The following SLC39A11 variants were observed in gnomAD, a reference collection of about 807,000 sequenced individuals.
The protein encoded by SLC39A11 is zinc transporter ZIP11.
Under a neutral mutation model 36.1 loss-of-function variants are expected in SLC39A11, and 33 were observed. The observed-to-expected ratio is 0.91, with a 90% CI of 0.69 to 1.22. The LOEUF (loss-of-function observed/expected upper bound fraction) is 1.22, where lower values mean the gene tolerates loss of function less well. Among genes scored for constraint, SLC39A11 ranks in the 50% most tolerant of loss-of-function variants. SLC39A11 has a pLI of 0.00. For missense variants in SLC39A11, 432 were observed against 430.3 expected, an observed-to-expected ratio of 1.00 and a Z score of -0.03; for synonymous variants, 166 against 170.3, an observed-to-expected ratio of 0.97 and a Z score of 0.20.
At chr17:73,071,618 C>T (rs992582700) in intron 3 of SLC39A11, among the ~76,000 whole-genome samples, 4 of 152,166 alleles carry the variant, frequency 2.6e-5, no homozygotes, top group South Asian at 2.1e-4. Flanking sequence ...CTCAGAAAAC[C>T]GTGTCATAAA....
At chr17:73,079,096 TTTTG>T (rs1314266694) in intron 3 of SLC39A11, among the ~76,000 whole-genome samples, 2 of 152,014 alleles carry the variant, frequency 1.3e-5, no homozygotes, top group Non-Finnish European at 2.9e-5. Context: ...AATCTATTGA[TTTTG>T]TTTGTTTGTT....
intron 7 of SLC39A11, among the ~76,000 whole-genome samples, chr17:72,670,767 T>C (rs1191310614): frequency 2.0e-5 from 3 of 152,226 alleles, no homozygotes; most frequent in Non-Finnish European, 4.4e-5. Flanking sequence ...CATGGCCTTT[T>C]GGAAAGATGT....
intron 6 of SLC39A11, among the ~76,000 whole-genome samples, chr17:72,753,312 ACTTTGT>A (rs1360142744): frequency 1.3e-5 from 2 of 152,084 alleles, no homozygotes; most frequent in African/African-American, 4.8e-5. Context: ...TACATCTTTG[ACTTTGT>A]GTTTGGGAAC....
chr17:72,982,551 C>T (rs527259361), intron 4 of SLC39A11, among the ~76,000 whole-genome samples: 2 of 152,104 alleles, frequency 1.3e-5, no homozygotes, highest in African/African-American at 4.8e-5. Flanking sequence ...AGTTCTGTTT[C>T]GTCTATTTTG....
At chr17:72,960,353 AGATG>A (rs2086528005) in intron 4 of SLC39A11, among the ~76,000 whole-genome samples, 1 of 152,246 alleles carries the variant, frequency 6.6e-6, no homozygotes, top group Admixed American at 6.5e-5. Flanking sequence ...TATCATAGAT[AGATG>A]GATGGATAGG....
At chr17:72,997,191 A>G (rs759681608) in intron 4 of SLC39A11, among the ~76,000 whole-genome samples, 5 of 152,122 alleles carry the variant, frequency 3.3e-5, no homozygotes, top group Non-Finnish European at 7.3e-5. Context: ...ACGAATGCAT[A>G]CACTTTGTGC....
intron 5 of SLC39A11, among the ~76,000 whole-genome samples, chr17:72,901,150 G>T (rs1010995667): frequency 6.6e-6 from 1 of 152,220 alleles, no homozygotes; most frequent in African/African-American, 2.4e-5. Context: ...TTATGAAAAC[G>T]AATGCCAAAA....
At chr17:72,842,548 T>G (rs1443613136) in intron 6 of SLC39A11, among the ~76,000 whole-genome samples, 2 of 152,320 alleles carry the variant, frequency 1.3e-5, no homozygotes, top group South Asian at 4.1e-4. Context: ...TAGGTGATTT[T>G]TAATGCCATT....
intron 5 of SLC39A11, among the ~76,000 whole-genome samples, chr17:72,870,890 G>C (rs545454359): frequency 3.3e-5 from 5 of 152,282 alleles, no homozygotes; most frequent in East Asian, 3.9e-4. Context: ...GATAGAATAA[G>C]AATTACATAT....
At chr17:73,055,359 T>G (rs924943581) in intron 3 of SLC39A11, among the ~76,000 whole-genome samples, 1 of 152,010 alleles carries the variant, frequency 6.6e-6, no homozygotes, top group Non-Finnish European at 1.5e-5. Context: ...GTCTGCACAA[T>G]TGAGTCTCAC....
At chr17:72,942,174 G>A (rs1331993357) in intron 5 of SLC39A11, among the ~76,000 whole-genome samples, 2 of 151,816 alleles carry the variant, frequency 1.3e-5, no homozygotes, top group Admixed American at 6.6e-5. Flanking sequence ...GGGATTACAC[G>A]TGCATTCTCA....
At chr17:73,029,486 T>C (rs1372251586) in intron 4 of SLC39A11, among the ~76,000 whole-genome samples, 1 of 151,996 alleles carries the variant, frequency 6.6e-6, no homozygotes, top group African/African-American at 2.4e-5. Flanking sequence ...GATCAGAATA[T>C]GGCAGCCTGC....
chr17:72,747,061 A>C (rs566991781), intron 6 of SLC39A11, among the ~76,000 whole-genome samples: 1 of 152,302 alleles, frequency 6.6e-6, no homozygotes, highest in South Asian at 2.1e-4. Flanking sequence ...TTAATAAACA[A>C]AACTAAAAAC....
At chr17:72,791,631 C>T (rs1307505385) in intron 6 of SLC39A11, among the ~76,000 whole-genome samples, 1 of 152,170 alleles carries the variant, frequency 6.6e-6, no homozygotes, top group Admixed American at 6.5e-5. Context: ...TATAGTGTGG[C>T]TCTGTGTCCC....
chr17:72,912,935 C>T (rs566576454), intron 5 of SLC39A11, among the ~76,000 whole-genome samples: 1 of 152,206 alleles, frequency 6.6e-6, no homozygotes, highest in African/African-American at 2.4e-5. Flanking sequence ...ACAGCTGAAC[C>T]CCAAGAGCTT....
intron 3 of SLC39A11, among the ~76,000 whole-genome samples, chr17:73,049,150 A>T (rs913412873): frequency 3.9e-5 from 6 of 152,244 alleles, no homozygotes; most frequent in Non-Finnish European, 7.3e-5. Flanking sequence ...CTGGGATTCC[A>T]GACAGCCAGG....
At chr17:72,767,762 G>T (rs941659997) in intron 6 of SLC39A11, among the ~76,000 whole-genome samples, 2 of 152,220 alleles carry the variant, frequency 1.3e-5, no homozygotes, top group Non-Finnish European at 2.9e-5. Context: ...ATGGGCAGAT[G>T]AAACGACATT....
intron 4 of SLC39A11, among the ~76,000 whole-genome samples, chr17:72,973,984 G>A (rs2087648441): frequency 6.6e-6 from 1 of 152,180 alleles, no homozygotes; most frequent in African/African-American, 2.4e-5. Context: ...AGTCAACAGT[G>A]GGTGACATAT....
At chr17:73,058,906 T>C (rs1167452147) in intron 3 of SLC39A11, among the ~76,000 whole-genome samples, 1 of 152,140 alleles carries the variant, frequency 6.6e-6, no homozygotes, top group Non-Finnish European at 1.5e-5. Flanking sequence ...TGGCATTCCC[T>C]GAATGCTTTC....
Sources: allele counts gnomAD v4.1 joint callset (sites outside exome capture counted in the v4.1 genomes callset), GRCh38; gene constraint gnomAD v4.1.1; transcripts MANE v1.5; gene names NCBI Gene and HGNC (gene_info 2026-07-23, HGNC 2026-07-21).